ZNF117: variants seen among roughly 807,000 people sequenced by gnomAD.
ZNF117 encodes the protein Krueppel-related zinc finger protein.
In ZNF117, 37 loss-of-function variants were observed where a neutral mutation model predicts 41.2. The ratio of observed to expected loss-of-function variants is 0.90; its 90% CI spans 0.69 to 1.18. The LOEUF (loss-of-function observed/expected upper bound fraction) is 1.18, where lower values mean the gene tolerates loss of function less well. Ranked by LOEUF, ZNF117 falls within the 50% of genes most tolerant of loss-of-function variation. The pLI, the probability that ZNF117 is intolerant of heterozygous loss-of-function variation, is 0.00. For synonymous variants in ZNF117, 186 were observed against 186.6 expected, an observed-to-expected ratio of 1.00 and a Z score of 0.02; for missense variants, 546 against 557.5, an observed-to-expected ratio of 0.98 and a Z score of 0.21.
intron 1 of ZNF117, among the ~76,000 whole-genome samples, chr7:64,989,475 ATATATATATATATATATATAT>A (rs1786210581): frequency 3.5e-5 from 4 of 115,130 alleles, no homozygotes; most frequent in Non-Finnish European, 5.3e-5. Flanking sequence ...ATATATATAT[ATATATATATATATATATATAT>A]ATAAAACCTG....
At chr7:64,978,818 A>G (rs1785958367) in exon 3 of ZNF117, 1 of 1,613,538 alleles carries the variant, frequency 6.2e-7, no homozygotes, top group African/African-American at 1.3e-5. Flanking sequence ...CGCATTCTTC[A>G]CATTCATAAC....
chr7:64,976,963 A>G (rs775139741), exon 3 of ZNF117: 99 of 534,366 alleles, frequency 1.9e-4, no homozygotes, highest in African/African-American at 1.8e-3. Flanking sequence ...GCTTTGCCAC[A>G]TTCTTCACAT....
exon 3 of ZNF117, chr7:64,977,668 G>T: frequency 1.3e-6 from 1 of 797,210 alleles, no homozygotes; most frequent in Non-Finnish European, 2.0e-6. Context: ...TCTCCAGTAT[G>T]AATTTTCTTA....
chr7:64,977,849 T>C (rs1400882442), exon 3 of ZNF117: 5 of 1,122,668 alleles, frequency 4.5e-6, no homozygotes, highest in Non-Finnish European at 6.7e-6. Flanking sequence ...TTTTCTTATG[T>C]TTAATAAGGT....
At chr7:64,977,201 A>G in exon 3 of ZNF117, 1 of 437,716 alleles carries the variant, frequency 2.3e-6, no homozygotes, top group South Asian at 1.7e-5. Context: ...AGGACAGGTT[A>G]AAGGCCTTGT....
At chr7:64,977,101 G>T in exon 3 of ZNF117, 1 of 517,404 alleles carries the variant, frequency 1.9e-6, no homozygotes. Context: ...TGTATAGCAA[G>T]GTGTGAGAAC....
At chr7:64,978,652 A>G (rs943404157) in exon 3 of ZNF117, 5 of 1,612,732 alleles carry the variant, frequency 3.1e-6, no homozygotes, top group Non-Finnish European at 4.2e-6. Flanking sequence ...CATTCTTCAC[A>G]TTTGTAGGGC....
upstream of ZNF117, among the ~76,000 whole-genome samples, chr7:64,983,742 T>C (rs138734037): frequency 1.3e-5 from 2 of 152,290 alleles, no homozygotes; most frequent in East Asian, 3.9e-4. Flanking sequence ...TAGACAGAGA[T>C]AGCTCTAAGA....
At chr7:64,976,155 A>G (rs1164642478) in exon 3 of ZNF117, 2 of 152,142 alleles carry the variant, frequency 1.3e-5, no homozygotes, top group African/African-American at 2.4e-5. Flanking sequence ...TTAAAGGCTT[A>G]TATTTGTCAG....
exon 3 of ZNF117, chr7:64,979,155 C>T (rs374465853): frequency 3.1e-6 from 5 of 1,605,564 alleles, no homozygotes; most frequent in East Asian, 4.5e-5. Context: ...ATATGCTTCA[C>T]ATTTGTAGAA....
exon 3 of ZNF117, chr7:64,979,035 T>C: frequency 6.2e-7 from 1 of 1,612,946 alleles, no homozygotes; most frequent in Non-Finnish European, 8.5e-7. Context: ...TCTAATAAGG[T>C]GTGAGGTCTG....
exon 3 of ZNF117, chr7:64,976,971 C>G: frequency 1.9e-6 from 1 of 534,658 alleles, no homozygotes; most frequent in Non-Finnish European, 3.8e-6. Context: ...ACATTCTTCA[C>G]ATTTGTAGGG....
chr7:64,979,741 G>A (rs1005595325), intron 2 of ZNF117, among the ~76,000 whole-genome samples: 20 of 152,088 alleles, frequency 1.3e-4, no homozygotes, highest in Admixed American at 2.0e-4. Context: ...AATGAGTTAC[G>A]TGTGTGCAGT....
At chr7:64,988,996 T>G (rs188612345) in intron 1 of ZNF117, among the ~76,000 whole-genome samples, 1 of 152,064 alleles carries the variant, frequency 6.6e-6, no homozygotes, top group South Asian at 2.1e-4. Context: ...AAAAGATCAA[T>G]ATCATTAAAA....
chr7:64,976,453 A>C (rs1488873257), exon 3 of ZNF117: 1 of 162,886 alleles, frequency 6.1e-6, no homozygotes, highest in Non-Finnish European at 1.3e-5. Flanking sequence ...AAAAAAAAAA[A>C]AAACTTTCAT....
At chr7:64,984,027 A>G (rs62456467), upstream of ZNF117, among the ~76,000 whole-genome samples, 5,618 of 152,354 alleles carry the variant, frequency 0.037, 167 homozygotes, top group East Asian at 0.15. Context: ...AAGGGGTCAT[A>G]TTCTCAGCAG....
At chr7:64,989,265 C>A (rs1786200935) in intron 1 of ZNF117, among the ~76,000 whole-genome samples, 1 of 150,866 alleles carries the variant, frequency 6.6e-6, no homozygotes, top group Non-Finnish European at 1.5e-5. Context: ...CACACACCTG[C>A]AACCATCTGA....
At chr7:64,974,840 G>A (rs962703383) in exon 3 of ZNF117, 12 of 150,558 alleles carry the variant, frequency 8.0e-5, no homozygotes, top group African/African-American at 1.7e-4. Flanking sequence ...GTGTAGAATC[G>A]GTTTGTAATA....
chr7:64,985,045 G>A (rs532665034), upstream of ZNF117, among the ~76,000 whole-genome samples: 15 of 152,278 alleles, frequency 9.9e-5, no homozygotes, highest in East Asian at 2.7e-3. Context: ...ACCCACCTTG[G>A]CATCCCAAAG....
Sources: gnomAD v4.1 joint callset for allele counts (sites outside exome capture counted in the v4.1 genomes callset) on GRCh38, gnomAD v4.1.1 for gene constraint, MANE v1.5 for transcripts, NCBI Gene and HGNC (gene_info 2026-07-23, HGNC 2026-07-21) for gene names.